CDADC1: variants seen among roughly 807,000 people sequenced by gnomAD.
CDADC1 encodes the protein cytidine and dCMP deaminase domain containing 1.
Under a neutral mutation model 54.9 loss-of-function variants are expected in CDADC1, and 39 were observed. The observed-to-expected ratio is 0.71, with a 90% CI of 0.55 to 0.93. The LOEUF is 0.93. Among genes scored for constraint, CDADC1 ranks in the 40% least tolerant of loss-of-function variants. The pLI is 0.00. For missense variants in CDADC1, 518 were observed against 618.8 expected, an observed-to-expected ratio of 0.84 and a Z score of 1.73; for synonymous variants, 186 against 204.0, an observed-to-expected ratio of 0.91 and a Z score of 0.75.
chr13:49,260,716 G>A (rs148531565), intron 4 of CDADC1, among the ~76,000 whole-genome samples: 70 of 152,226 alleles, frequency 4.6e-4, no homozygotes, highest in African/African-American at 1.6e-3. Context: ...TGTTGCATAG[G>A]CATCATGGTA....
At position 49,259,456 on chromosome 13, in the gene CDADC1, G is replaced by A; in HGVS notation, c.363G>A (p.Arg121=). 1.2e-6 allele frequency: 2 copies of A among 1,614,068 alleles called. No individual in the cohort carries two copies. The highest frequency in any genetic ancestry group is 1.6e-4 in the Middle Eastern group (1 of 6,062). The change falls in exon 4 of 10, where the codon AGG becomes AGA. Residue 121 remains arginine (R), a synonymous_variant. Transcript: ENST00000251108. Reference sequence around the variant, plus strand: ...TTGCTCTTATTAAACATGGGTCAAGGCTGAAAAACTGTGATCTTTATTTTT... The same window carrying A: ...TTGCTCTTATTAAACATGGGTCAAGACTGAAAAACTGTGATCTTTATTTTT... ...GQIALIKHGS[R]LKNCDLYFSR...
At chr13:49,268,655 ACT>A (rs1952886169) in intron 5 of CDADC1, among the ~76,000 whole-genome samples, 2 of 152,030 alleles carry the variant, frequency 1.3e-5, no homozygotes, top group African/African-American at 4.8e-5. Context: ...ACACAGCAAG[ACT>A]CTATCTCCAA....
chr13:49,268,468 G>A (rs1027985593), intron 5 of CDADC1, among the ~76,000 whole-genome samples: 3 of 152,052 alleles, frequency 2.0e-5, no homozygotes, highest in South Asian at 2.1e-4. Context: ...CAAGACCAGC[G>A]TGGGCAACAT....
In CDADC1 at chr13:49,292,222, T is replaced by C. The variant is rs1953727605; in HGVS notation, c.*465T>C. 1 of 985,712 alleles carries C rather than the reference T, an allele frequency of 1.0e-6. No individual in the cohort carries two copies. Among genetic ancestry groups the C allele is most frequent in the Non-Finnish European group, 1.2e-6 (1 of 828,054 alleles). The allele number at this position is 985,712 out of a possible 1,614,324, so 61.1% of individuals were successfully genotyped here. On this transcript the variant is annotated 3_prime_UTR_variant, in exon 10 of 10. Coordinates refer to ENST00000251108, the MANE Select transcript of CDADC1 (RefSeq NM_030911.4). ...AGTCAGTGTATAGCAAACCAAAAGATCACATTTATACCCAAAGCTTTCTAG... is the reference window on the plus strand; with the variant it reads ...AGTCAGTGTATAGCAAACCAAAAGACCACATTTATACCCAAAGCTTTCTAG...
chr13:49,267,118 G>A lies in CDADC1; in HGVS notation c.431-372G>A, dbSNP rs376472642. Reference sequence around the variant, plus strand: ...GTGTCTGTCACAGCTACTCAACTCTGCCACACGAAAGCACCCAAAGACTAT... The same window carrying A: ...GTGTCTGTCACAGCTACTCAACTCTACCACACGAAAGCACCCAAAGACTAT... On this transcript the variant is annotated intron_variant, in intron 4 of 9. Transcript: ENST00000251108. 6.2e-4 allele frequency among the ~76,000 whole-genome samples: 95 copies of A among 152,242 alleles called. No individual in the cohort carries two copies. The Middle Eastern group carries it at 0.014, about 22-fold the overall frequency.
chr13:49,263,610 G>A (rs1196698435), intron 4 of CDADC1, among the ~76,000 whole-genome samples: 1 of 152,130 alleles, frequency 6.6e-6, no homozygotes, highest in East Asian at 1.9e-4. Context: ...TATCTGAAAT[G>A]GCTGTTAAAA....
intron 4 of CDADC1, among the ~76,000 whole-genome samples, chr13:49,259,946 A>G (rs1952636113): frequency 6.6e-6 from 1 of 152,036 alleles, no homozygotes; most frequent in African/African-American, 2.4e-5. Context: ...ATATATCTGA[A>G]AGTCAGGTGC....
At chr13:49,290,758 A>C (rs530039213) in intron 9 of CDADC1, among the ~76,000 whole-genome samples, 1 of 152,246 alleles carries the variant, frequency 6.6e-6, no homozygotes, top group African/African-American at 2.4e-5. Context: ...CTGAGGTGGG[A>C]GGATTGCTTG....
At chr13:49,290,456 G>A (rs1953672723) in intron 9 of CDADC1, among the ~76,000 whole-genome samples, 1 of 152,076 alleles carries the variant, frequency 6.6e-6, no homozygotes, top group South Asian at 2.1e-4. Flanking sequence ...ATGATATGAT[G>A]AGAACAAGAA....
Position 49,267,829 on chromosome 13 carries a change from C to T in CDADC1, c.770C>T (p.Thr257Ile). The T allele has an allele frequency of 6.2e-7, 1 of 1,613,402 alleles. No individual in the cohort carries two copies. The highest frequency in any genetic ancestry group is 8.5e-7 in the Non-Finnish European group (1 of 1,179,432). ...NEEMHKQILM[T>I]IGLENLCENP... ...GAAATGCATAAGCAAATACTGATGA[C>T]TATAGGTTTGGAGAACCTGTGTGAA... The change falls in exon 5 of 10, where the codon ACT becomes ATT. Residue 257 changes from threonine (T) to isoleucine (I), a missense_variant. Transcript: ENST00000251108.
rs1321289330 is a variant in CDADC1 at position 49,248,037 on chromosome 13, G to C, written c.-1G>C. 1 of 1,552,774 alleles carries C rather than the reference G, an allele frequency of 6.4e-7. No individual in the cohort carries two copies. Among genetic ancestry groups the C allele is most frequent in the African/African-American group, 1.4e-5 (1 of 73,244 alleles). ...TGGCAGCAGAGGACGCTAGGTTTGG[G>C]ATGAAAGAAGCTGGGCAGATGCAAA... is the stretch of plus-strand genomic sequence containing the variant. On this transcript the variant is annotated 5_prime_UTR_variant, in exon 1 of 10. Transcript: ENST00000251108.
intron 9 of CDADC1, among the ~76,000 whole-genome samples, chr13:49,287,172 CAG>C (rs1032498645): frequency 6.6e-6 from 1 of 152,216 alleles, no homozygotes; most frequent in Non-Finnish European, 1.5e-5. Flanking sequence ...GCCTGGGCGA[CAG>C]GGCAAAACTC....
At chr13:49,248,803 G>A in intron 1 of CDADC1, 68 bp from the exon 2 acceptor site, 1 of 961,326 alleles carries the variant, frequency 1.0e-6, no homozygotes, top group Non-Finnish European at 1.7e-6. Context: ...CACCTAAGTG[G>A]CATTGAGATT....
chr13:49,269,564 G>A (rs1161917256), intron 5 of CDADC1, among the ~76,000 whole-genome samples: 1 of 152,144 alleles, frequency 6.6e-6, no homozygotes, highest in Admixed American at 6.5e-5. Flanking sequence ...ATATTCTATT[G>A]TGGGTTATAT....
intron 9 of CDADC1, among the ~76,000 whole-genome samples, chr13:49,290,523 C>T (rs1466120730): frequency 6.6e-6 from 1 of 152,088 alleles, no homozygotes; most frequent in East Asian, 1.9e-4. Flanking sequence ...AGCCCTGGCC[C>T]AGGTGTCCTT....
intron 2 of CDADC1, among the ~76,000 whole-genome samples, chr13:49,255,001 A>G (rs926016462): frequency 6.6e-6 from 1 of 152,222 alleles, no homozygotes; most frequent in African/African-American, 2.4e-5. Context: ...GTGGCTTAAA[A>G]CAACACAAAT....
intron 9 of CDADC1, 102 bp downstream of exon 9, chr13:49,286,384 T>C: frequency 1.2e-6 from 1 of 837,634 alleles, no homozygotes; most frequent in South Asian, 1.6e-5. Flanking sequence ...AGATGGAGCA[T>C]ATTATTTTTG....
Position 49,280,594 on chromosome 13 carries a change from G to T in CDADC1, c.1306G>T (p.Ala436Ser), listed in dbSNP as rs755673908. 5.0e-5 allele frequency: 80 copies of T among 1,585,720 alleles called. No individual in the cohort carries two copies. The Admixed American group carries it at 1.4e-3, about 27-fold the overall frequency. ...CDECVPLIKG[A>S]GIKQIYAGDV... is the part of the protein sequence containing the mutation. ...TGAGTGTGTACCTTTAATTAAAGGT[G>T]CAGGCATAAAACAAATCTATGCAGG... Residue 436 changes from alanine to serine, a missense_variant, in exon 8 of 10, where the codon GCA becomes TCA. Ala to Ser is a moderately conservative substitution (Grantham distance 99). Transcript: ENST00000251108.
rs115544810 is a variant in CDADC1 at position 49,255,711 on chromosome 13, T to C, written c.178-128T>C. The C allele has an allele frequency of 1.1e-3, 1,202 of 1,091,188 alleles. 8 individuals are homozygous for C. The African/African-American group carries it at 0.017, about 16-fold the overall frequency. 67.6% of individuals were successfully genotyped at this position (1,091,188 alleles called of 1,614,324 possible). On this transcript the variant is annotated intron_variant, in intron 2 of 9. Coordinates refer to ENST00000251108, the MANE Select transcript of CDADC1 (RefSeq NM_030911.4). ...TGATCCAAACAAAGTGGGAAGTCAA[T>C]GTAGAGTTTCATCATGGAAAAAAAA... is the stretch of plus-strand genomic sequence containing the variant.
Sources: gnomAD v4.1 joint callset for allele counts (sites outside exome capture counted in the v4.1 genomes callset) on GRCh38, gnomAD v4.1.1 for gene constraint, MANE v1.5 for transcripts, NCBI Gene and HGNC (gene_info 2026-07-23, HGNC 2026-07-21) for gene names.